The following LRRC49 variants were observed in gnomAD, a reference collection of about 807,000 sequenced individuals.
The protein encoded by LRRC49 is leucine-rich repeat-containing protein 49.
LRRC49 carries 50 observed loss-of-function variants against 83.3 expected under a neutral mutation model. That is an observed-to-expected ratio of 0.60 (90% CI 0.48 to 0.76). The LOEUF (loss-of-function observed/expected upper bound fraction) is 0.76, where lower values mean the gene tolerates loss of function less well. LRRC49 is among the 30% of genes least tolerant of loss of function. The pLI is 0.00. For synonymous variants in LRRC49, 286 were observed against 283.3 expected (o/e 1.01, Z -0.10); for missense variants, 704 against 809.1 (o/e 0.87, Z 1.58).
At chr15:70,862,369 G>T (rs1416945206) in intron 1 of LRRC49, among the ~76,000 whole-genome samples, 1 of 152,024 alleles carries the variant, frequency 6.6e-6, no homozygotes, top group Non-Finnish European at 1.5e-5. Flanking sequence ...ACAAGGCCAG[G>T]AGATCGAGAC....
rs1247880137 is a variant in LRRC49, at chr15:71,008,911, A to T, written c.1407+295A>T. Reference sequence around the variant, plus strand: ...TACTTTATAAGTGATTCACCTTACCACATAGCCTTATGTATTCACCTATGG... The same window carrying T: ...TACTTTATAAGTGATTCACCTTACCTCATAGCCTTATGTATTCACCTATGG... On this transcript the variant is annotated intron_variant, in intron 12 of 15. Coordinates refer to ENST00000260382, the MANE Select transcript of LRRC49 (RefSeq NM_017691.5). Among the ~76,000 whole-genome samples the T allele has an allele frequency of 3.9e-5, 6 of 152,032 alleles. No homozygotes were observed. In the East Asian group the frequency reaches 1.2e-3, roughly 29 times the overall value.
Position 70,873,135 on chromosome 15 carries a change from T to G in LRRC49, c.-71T>G. On this transcript the variant is annotated 5_prime_UTR_variant, in exon 2 of 17. Coordinates refer to the LRRC49 transcript ENST00000544974. ...CCTGACCTCAAGTGATCCACCCGCC[T>G]TGGCCTCCCAAAGTGTTGGGATTAC... 3 of 1,332,682 alleles carry G rather than the reference T, an allele frequency of 2.3e-6. No individual in the cohort carries two copies. The South Asian group carries it at 3.8e-5, about 17-fold the overall frequency. The allele number at this position is 1,332,682 out of a possible 1,614,324, so 82.6% of individuals were successfully genotyped here.
intron 1 of LRRC49, chr15:70,859,818 G>T (rs2032743557): frequency 4.0e-6 from 3 of 758,028 alleles, no homozygotes; most frequent in Admixed American, 3.4e-5. Flanking sequence ...GATATGGTGT[G>T]GCAGCTGCGT....
intron 1 of LRRC49, among the ~76,000 whole-genome samples, chr15:70,866,437 G>A (rs567268125): frequency 1.7e-4 from 26 of 152,252 alleles, no homozygotes; most frequent in African/African-American, 5.8e-4. Flanking sequence ...GAGCGACCAC[G>A]TCCGGCCACT....
chr15:70,912,058 CTTAAT>C (rs1264756220), intron 6 of LRRC49, among the ~76,000 whole-genome samples: 1 of 151,770 alleles, frequency 6.6e-6, no homozygotes, highest in African/African-American at 2.4e-5. Flanking sequence ...AGTATTGTCT[CTTAAT>C]TTAAAAAAGG....
At chr15:70,917,723 C>T (rs886452315) in intron 6 of LRRC49, among the ~76,000 whole-genome samples, 2 of 152,182 alleles carry the variant, frequency 1.3e-5, no homozygotes, top group Admixed American at 6.5e-5. Context: ...GAGCTGCTCC[C>T]TGTGGGTTTC....
upstream of LRRC49, among the ~76,000 whole-genome samples, chr15:70,887,761 C>T (rs189111541): frequency 8.5e-4 from 130 of 152,068 alleles, 1 homozygote; most frequent in Admixed American, 1.8e-3. Context: ...AGGAAGAATA[C>T]GAAATAAAAA....
chr15:70,853,964 C>A, intron 1 of LRRC49: 1 of 1,457,446 alleles, frequency 6.9e-7, no homozygotes. Context: ...GTCCCCGGCG[C>A]CCCGAGTCTC....
intron 1 of LRRC49, chr15:70,854,212 G>T: frequency 1.6e-6 from 1 of 611,522 alleles, no homozygotes; most frequent in Non-Finnish European, 2.2e-6. Flanking sequence ...CCAGGGGAGG[G>T]ACAGGGGTCG....
At chr15:70,865,687 A>G (rs1472577994) in intron 1 of LRRC49, among the ~76,000 whole-genome samples, 1 of 152,372 alleles carries the variant, frequency 6.6e-6, no homozygotes, top group African/African-American at 2.4e-5. Context: ...AACAAAAGCC[A>G]GAGAACTCTG....
intron 8 of LRRC49, among the ~76,000 whole-genome samples, chr15:70,952,240 T>C (rs2036244161): frequency 1.3e-5 from 2 of 151,846 alleles, no homozygotes; most frequent in South Asian, 2.1e-4. Context: ...TCTGTGTCTC[T>C]GCTGGGCTTT....
chr15:70,974,899 C>T (rs962127526), intron 9 of LRRC49, among the ~76,000 whole-genome samples: 3 of 152,116 alleles, frequency 2.0e-5, no homozygotes, highest in African/African-American at 7.2e-5. Context: ...ACATCCTGGA[C>T]TTTATTCCAT....
rs746224875 is a variant in LRRC49 at position 70,911,530 on chromosome 15, A to G, written c.501-2A>G. 6.5e-7 allele frequency: 1 copy of G among 1,548,480 alleles called. No homozygotes were observed. On this transcript the variant is annotated splice_acceptor_variant, in intron 5 of 15. Transcript: ENST00000260382. LOFTEE classifies it high-confidence loss of function. ...TTCTATTCTACTTATTCTGGTTTTC[A>G]GAATCAAGAAAATCTCAAATCTGGA...
chr15:70,936,981 T>A (rs974814693), intron 8 of LRRC49, among the ~76,000 whole-genome samples, 159 bp downstream of exon 8: 4 of 152,242 alleles, frequency 2.6e-5, no homozygotes, highest in African/African-American at 9.6e-5. Flanking sequence ...AGCAAAGCTC[T>A]TGTGTGTATT....
intron 11 of LRRC49, among the ~76,000 whole-genome samples, chr15:70,992,909 G>C (rs189521424): frequency 1.3e-5 from 2 of 152,170 alleles, no homozygotes; most frequent in African/African-American, 4.8e-5. Flanking sequence ...CTTCAAAGCT[G>C]TCAGACAGGG....
chr15:70,937,291 G>A (rs934541468), intron 8 of LRRC49, among the ~76,000 whole-genome samples: 3 of 152,204 alleles, frequency 2.0e-5, no homozygotes, highest in Non-Finnish European at 4.4e-5. Flanking sequence ...AATTAATGCT[G>A]CTAAGAGACA....
intron 2 of LRRC49, among the ~76,000 whole-genome samples, chr15:70,876,492 A>T (rs1259480748): frequency 6.6e-6 from 1 of 152,150 alleles, no homozygotes; most frequent in South Asian, 2.1e-4. Flanking sequence ...GTGACATTTC[A>T]TCCAGTCTTC....
At chr15:70,979,226 C>T (rs1334139155) in intron 9 of LRRC49, among the ~76,000 whole-genome samples, 2 of 152,008 alleles carry the variant, frequency 1.3e-5, no homozygotes, top group African/African-American at 4.8e-5. Context: ...AACTGATACA[C>T]AGAAATTGTA....
chr15:70,895,822 AT>A, intron 2 of LRRC49, 26 bp from the exon 3 acceptor site: 5 of 1,443,320 alleles, frequency 3.5e-6, no homozygotes, highest in Non-Finnish European at 4.8e-6. Context: ...GTCTCCAAAT[AT>A]TTTTTTCTTT....
Sources: gnomAD v4.1 joint callset for allele counts (sites outside exome capture counted in the v4.1 genomes callset) on GRCh38, gnomAD v4.1.1 for gene constraint, MANE v1.5 for transcripts, NCBI Gene and HGNC (gene_info 2026-07-23, HGNC 2026-07-21) for gene names.